Variants in MIF observed in about 807,000 individuals in gnomAD.
The protein encoded by MIF is macrophage migration inhibitory factor.
Under a neutral mutation model 11.3 loss-of-function variants are expected in MIF, and 16 were observed. The observed-to-expected ratio is 1.42, with a 90% CI of 0.96 to 2.16. MIF has a LOEUF of 2.16. Ranked by LOEUF, MIF falls within the 30% of genes most tolerant of loss-of-function variation. The pLI is 0.00. For synonymous variants in MIF, 83 were observed against 74.2 expected (o/e 1.12, Z -0.61); for missense variants, 229 against 165.3 (o/e 1.39, Z -2.11).
chr22:23,894,541 C>G lies in MIF; in HGVS notation c.67C>G (p.Leu23Val). The change falls in exon 1 of 3, where the codon CTC becomes GTC. Residue 23 changes from leucine (L) to valine (V), a missense_variant. By Grantham distance (32) the Leu-to-Val change is conservative (BLOSUM62 1). Transcript: ENST00000215754. ...ASVPDGFLSE[L>V]TQQLAQATGK... ...CGTGCCGGACGGGTTCCTCTCCGAG[C>G]TCACCCAGCAGCTGGCGCAGGCCAC... is the stretch of plus-strand genomic sequence containing the variant. The G allele has an allele frequency of 1.2e-6, 2 of 1,613,158 alleles. No individual in the cohort carries two copies. Among genetic ancestry groups the G allele is most frequent in the South Asian group, 2.2e-5 (2 of 91,088 alleles).
In MIF at chr22:23,895,175, C is replaced by A; in HGVS notation, c.*69C>A. 2 of 1,447,812 alleles carry A rather than the reference C, an allele frequency of 1.4e-6. No homozygotes were observed. The highest frequency in any genetic ancestry group is 1.9e-6 in the Non-Finnish European group (2 of 1,052,580). 89.7% of individuals were successfully genotyped at this position (1,447,812 alleles called of 1,614,324 possible). On this transcript the variant is annotated 3_prime_UTR_variant, in exon 3 of 3. Coordinates refer to ENST00000215754, the MANE Select transcript of MIF (RefSeq NM_002415.2). The stretch of plus-strand genomic sequence containing the variant: ...ACCCGCCGCACGCTGTGTTCTAGGC[C>A]CGCCCACCCCAACCTTCTGGTGGGG...
rs1051287393 is a variant in MIF at position 23,895,207 on chromosome 22, A to G, written c.*101A>G. 3 of 1,285,998 alleles carry G rather than the reference A, an allele frequency of 2.3e-6. No homozygotes were observed. Among genetic ancestry groups the G allele is most frequent in the Non-Finnish European group, 3.3e-6 (3 of 905,288 alleles). The allele number at this position is 1,285,998 out of a possible 1,614,324, so 79.7% of individuals were successfully genotyped here. ...CCCCAACCTTCTGGTGGGGAGAAAT[A>G]AACGGTTTAGAGACTAGGAGTGCCT... On this transcript the variant is annotated 3_prime_UTR_variant, in exon 3 of 3. Coordinates refer to ENST00000215754, the MANE Select transcript of MIF (RefSeq NM_002415.2).
In MIF at chr22:23,894,568, G is replaced by T. The variant is rs752199048; in HGVS notation, c.94G>T (p.Gly32Cys). The change falls in exon 1 of 3, where the codon GGC (glycine) becomes TGC (cysteine). Residue 32 changes from glycine to cysteine, a missense_variant. Coordinates refer to ENST00000215754, the MANE Select transcript of MIF (RefSeq NM_002415.2). ...CACCCAGCAGCTGGCGCAGGCCACC[G>T]GCAAGCCCCCCCAGGTTTGCCGGGA... ...ELTQQLAQATGKPPQYIAVHV... is the reference protein window; with the variant it reads ...ELTQQLAQATCKPPQYIAVHV... 1.2e-6 allele frequency: 2 copies of T among 1,612,756 alleles called. No individual in the cohort carries two copies. The highest frequency in any genetic ancestry group is 4.5e-5 in the East Asian group (2 of 44,866).
Position 23,894,557 on chromosome 22 carries a change from C to T in MIF, c.83C>T (p.Ala28Val), listed in dbSNP as rs766674911. Residue 28 changes from alanine to valine, a missense_variant, in exon 1 of 3, where the codon GCG becomes GTG. Transcript: ENST00000215754. ...CTCTCCGAGCTCACCCAGCAGCTGG[C>T]GCAGGCCACCGGCAAGCCCCCCCAG... ...GFLSELTQQL[A>V]QATGKPPQYI... 5 of 1,612,776 alleles carry T rather than the reference C, an allele frequency of 3.1e-6. No homozygotes were observed. In the Admixed American group the frequency reaches 8.3e-5, roughly 27 times the overall value.
chr22:23,894,991 C>G, intron 2 of MIF, 47 bp downstream of exon 2: 1 of 1,542,362 alleles, frequency 6.5e-7, no homozygotes, highest in Non-Finnish European at 8.7e-7. Flanking sequence ...GGCGCGCGGC[C>G]AGGCCCGGGA....
In MIF at chr22:23,894,532, C is replaced by T; in HGVS notation, c.58C>T (p.Leu20Phe). 1 of 1,613,224 alleles carries T rather than the reference C, an allele frequency of 6.2e-7. No individual in the cohort carries two copies. The highest frequency in any genetic ancestry group is 8.5e-7 in the Non-Finnish European group (1 of 1,179,820). The change falls in exon 1 of 3, where the codon CTC becomes TTC. Residue 20 changes from leucine (L) to phenylalanine (F), a missense_variant. Leu to Phe is a conservative substitution (Grantham distance 22, BLOSUM62 0). Coordinates refer to ENST00000215754, the MANE Select transcript of MIF (RefSeq NM_002415.2). ...VPRASVPDGFLSELTQQLAQA... is the reference protein window; with the variant it reads ...VPRASVPDGFFSELTQQLAQA... The stretch of plus-strand genomic sequence containing the variant: ...CCGCGCCTCCGTGCCGGACGGGTTC[C>T]TCTCCGAGCTCACCCAGCAGCTGGC...
rs1431615188 is a variant in MIF at position 23,895,090 on chromosome 22, A to G, written c.332A>G (p.Asn111Ser). 2 of 1,557,336 alleles carry G rather than the reference A, an allele frequency of 1.3e-6. No homozygotes were observed. The highest frequency in any genetic ancestry group is 1.9e-5 in the Admixed American group (1 of 51,898). ...DMNAANVGWN[N>S]STFA ...AACGCGGCCAATGTGGGCTGGAACA[A>G]CTCCACCTTCGCCTAAGAGCCGCAG... Residue 111 changes from asparagine to serine, a missense_variant, in exon 3 of 3, where the codon AAC becomes AGC. Asn to Ser is a conservative substitution (Grantham distance 46). Transcript: ENST00000215754.
Position 23,894,882 on chromosome 22 carries a change from C to T in MIF, c.219C>T (p.Asn73=), listed in dbSNP as rs1242941815. The T allele has an allele frequency of 6.4e-7, 1 of 1,553,178 alleles. No individual in the cohort carries two copies. The highest frequency in any genetic ancestry group is 8.7e-7 in the Non-Finnish European group (1 of 1,151,422). The part of the protein sequence containing the change: ...HSIGKIGGAQ[N]RSYSKLLCGL... ...TCGGCAAGATCGGCGGCGCGCAGAA[C>T]CGCTCCTACAGCAAGCTGCTGTGCG... The change falls in exon 2 of 3, where the codon AAC becomes AAT. Residue 73 remains asparagine, a synonymous_variant. Transcript: ENST00000215754.
rs36065127 is a variant in MIF, at chr22:23,895,161, G to A, written c.*55G>A. On this transcript the variant is annotated 3_prime_UTR_variant, in exon 3 of 3. Coordinates refer to ENST00000215754, the MANE Select transcript of MIF (RefSeq NM_002415.2). ...GGCTCCACCCGGGAACCCGCCGCAC[G>A]CTGTGTTCTAGGCCCGCCCACCCCA... 1.3e-3 allele frequency: 1,922 copies of A among 1,525,276 alleles called. 31 individuals carry two copies. The East Asian group carries it at 0.025, about 20-fold the overall frequency. 94.5% of individuals were successfully genotyped at this position (1,525,276 alleles called of 1,614,324 possible). A position where few individuals can be genotyped will look rare whatever the true frequency, so the allele number is the denominator to read the frequency against.
intron 2 of MIF, 38 bp from the exon 3 acceptor site, chr22:23,895,001 AC>A: frequency 6.5e-7 from 1 of 1,540,936 alleles, no homozygotes; most frequent in Non-Finnish European, 8.8e-7. Context: ...CAGGCCCGGG[AC>A]TGAGCCACCC....
chr22:23,894,737 C>G, intron 1 of MIF, 35 bp from the exon 2 acceptor site: 3 of 1,491,534 alleles, frequency 2.0e-6, no homozygotes, highest in African/African-American at 2.8e-5. Context: ...CCGACGAGGT[C>G]GCTGGGGCGG....
Position 23,894,463 on chromosome 22 carries a change from CCTT to C in MIF, c.-9_-7del. On this transcript the variant is annotated 5_prime_UTR_variant, in exon 1 of 3. Transcript: ENST00000215754. Reference sequence around the variant, plus strand: ...TGTGCCTCTGCGCGGGTCTCCTGGTCCTTCTGCCATCATGCCGATGTTCATCGT... The same window carrying C: ...TGTGCCTCTGCGCGGGTCTCCTGGTCCTGCCATCATGCCGATGTTCATCGT... The C allele has an allele frequency of 1.9e-6, 3 of 1,610,282 alleles. No individual in the cohort carries two copies. The highest frequency in any genetic ancestry group is 2.5e-6 in the Non-Finnish European group (3 of 1,177,400).
At chr22:23,894,728 C>T (rs1188762015) in intron 1 of MIF, 44 bp from the exon 2 acceptor site, 2 of 1,485,910 alleles carry the variant, frequency 1.3e-6, no homozygotes, top group African/African-American at 1.4e-5. Flanking sequence ...GTTCGGGGCC[C>T]GACGAGGTCG....
chr22:23,894,764 C>G lies in MIF; in HGVS notation c.109-8C>G. The stretch of plus-strand genomic sequence containing the variant: ...CTGGGGCGGGCTGACCGCGCCCTTT[C>G]CTCGCAGTACATCGCGGTGCACGTG... On this transcript the variant is annotated splice_polypyrimidine_tract_variant and splice_region_variant and intron_variant, in intron 1 of 2. Transcript: ENST00000215754. The G allele has an allele frequency of 6.6e-7, 1 of 1,524,218 alleles. No homozygotes were observed. The allele number at this position is 1,524,218 out of a possible 1,614,324, so 94.4% of individuals were successfully genotyped here.
rs575017934 is a variant in MIF at position 23,895,071 on chromosome 22, G to A, written c.313G>A (p.Ala105Thr). 1.3e-6 allele frequency: 2 copies of A among 1,558,986 alleles called. No homozygotes were observed. Among genetic ancestry groups the A allele is most frequent in the South Asian group, 1.2e-5 (1 of 84,708 alleles). ...VYINYYDMNA[A>T]NVGWNNSTFA ...CATCAACTATTACGACATGAACGCG[G>A]CCAATGTGGGCTGGAACAACTCCAC... The change falls in exon 3 of 3, where the codon GCC (alanine) becomes ACC (threonine). Residue 105 changes from alanine to threonine, a missense_variant. By Grantham distance (58) the Ala-to-Thr change is moderately conservative. Transcript: ENST00000215754.
rs868370027 is a variant in MIF at position 23,895,212 on chromosome 22, G to C, written c.*106G>C. On this transcript the variant is annotated 3_prime_UTR_variant, in exon 3 of 3. Transcript: ENST00000215754. ...ACCTTCTGGTGGGGAGAAATAAACG[G>C]TTTAGAGACTAGGAGTGCCTCGGGG... 4.1e-6 allele frequency: 5 copies of C among 1,223,562 alleles called. No individual in the cohort carries two copies. In the Middle Eastern group the frequency reaches 5.6e-4, roughly 136 times the overall value. 75.8% of individuals were successfully genotyped at this position (1,223,562 alleles called of 1,614,324 possible).
rs2146163461 is a variant in MIF, at chr22:23,894,497, C to T, written c.23C>T (p.Thr8Ile). The T allele has an allele frequency of 6.2e-7, 1 of 1,613,212 alleles. No homozygotes were observed. MPMFIVN[T>I]NVPRASVPDG... ...ATCATGCCGATGTTCATCGTAAACA[C>T]CAACGTGCCCCGCGCCTCCGTGCCG... Residue 8 changes from threonine (T) to isoleucine (I), a missense_variant, in exon 1 of 3, where the codon ACC becomes ATC. Thr to Ile is a moderately conservative substitution (Grantham distance 89). Transcript: ENST00000215754.
chr22:23,895,012 C>G, intron 2 of MIF, 28 bp from the exon 3 acceptor site: 1 of 1,540,542 alleles, frequency 6.5e-7, no homozygotes, highest in Non-Finnish European at 8.8e-7. Context: ...CTGAGCCACC[C>G]GCTGAGTCCG....
chr22:23,894,671 TG>T, intron 1 of MIF, 89 bp downstream of exon 1: 3 of 638,206 alleles, frequency 4.7e-6, no homozygotes, highest in African/African-American at 2.3e-5. Flanking sequence ...TGAACGGAGC[TG>T]GGGGGCGGGG....
Sources: allele counts gnomAD v4.1 joint callset, GRCh38; gene constraint gnomAD v4.1.1; transcripts MANE v1.5; gene names NCBI Gene and HGNC (gene_info 2026-07-23, HGNC 2026-07-21).